Variants in SHROOM3 observed in about 807,000 individuals in gnomAD.
SHROOM3 encodes the protein protein Shroom3.
Under a neutral mutation model 138.6 loss-of-function variants are expected in SHROOM3, and 47 were observed. The ratio of observed to expected loss-of-function variants is 0.34; its 90% CI spans 0.27 to 0.43. The LOEUF (loss-of-function observed/expected upper bound fraction) is 0.43. Among genes scored for constraint, SHROOM3 ranks in the 20% least tolerant of loss-of-function variants. The probability of loss-of-function intolerance (pLI) is 1.00; values close to 1 mark genes in which losing one functional copy is unlikely to be tolerated. For missense variants in SHROOM3, 2,491 were observed against 2,596.5 expected, an observed-to-expected ratio of 0.96 and a Z score of 0.88; for synonymous variants, 1,062 against 1,063.3, an observed-to-expected ratio of 1.00 and a Z score of 0.02.
Position 76,755,261 on chromosome 4 carries a change from C to T in SHROOM3, c.4709+69C>T, listed in dbSNP as rs1721769056. ...TGTCATGCCCCAGGTGGCCCAGGTC[C>T]TTCTGCTGGCCACAGAAGAACCCTG... On this transcript the variant is annotated intron_variant, in intron 7 of 10. Coordinates refer to ENST00000296043, the MANE Select transcript of SHROOM3 (RefSeq NM_020859.4). 1.7e-5 allele frequency: 26 copies of T among 1,547,072 alleles called. 1 individual carries two copies. The South Asian group carries it at 2.6e-4, about 15-fold the overall frequency.
chr4:76,674,554 CTTTTT>C (rs11312421), intron 2 of SHROOM3, among the ~76,000 whole-genome samples: 3 of 103,292 alleles, frequency 2.9e-5, no homozygotes, highest in Admixed American at 2.3e-4. Flanking sequence ...TCCTTCCTTC[CTTTTT>C]TTTTTTTTTT....
chr4:76,512,959 T>G (rs965069124), intron 1 of SHROOM3, among the ~76,000 whole-genome samples: 11 of 152,140 alleles, frequency 7.2e-5, no homozygotes, highest in African/African-American at 2.7e-4. Flanking sequence ...AACTGTGGAG[T>G]GCACCCACAT....
At chr4:76,438,746 A>G (rs1366881446) in intron 1 of SHROOM3, among the ~76,000 whole-genome samples, 2 of 145,366 alleles carry the variant, frequency 1.4e-5, no homozygotes, top group African/African-American at 2.5e-5. Context: ...GGCAGGGACT[A>G]TTTTTTTTTT....
intron 4 of SHROOM3, among the ~76,000 whole-genome samples, chr4:76,735,868 A>AAAATATATATATATAT (rs1553944040): frequency 1.1e-4 from 2 of 18,814 alleles, no homozygotes; most frequent in African/African-American, 2.1e-4. Context: ...AAAAAAAAAA[A>AAAATATATATATATAT]ATATATATAT....
intron 2 of SHROOM3, among the ~76,000 whole-genome samples, chr4:76,706,880 C>T (rs1296077336): frequency 1.3e-5 from 2 of 152,182 alleles, no homozygotes; most frequent in Non-Finnish European, 1.5e-5. Flanking sequence ...CAAGGGGCCA[C>T]CTCACCCCGA....
At chr4:76,731,552 G>T (rs1457683294) in intron 4 of SHROOM3, among the ~76,000 whole-genome samples, 1 of 152,098 alleles carries the variant, frequency 6.6e-6, no homozygotes, top group African/African-American at 2.4e-5. Context: ...AGGCCAAGGA[G>T]GGCGGATCAC....
At chr4:76,583,689 C>T (rs563509947) in intron 2 of SHROOM3, among the ~76,000 whole-genome samples, 7 of 152,218 alleles carry the variant, frequency 4.6e-5, no homozygotes, top group Non-Finnish European at 1.0e-4. Flanking sequence ...AGTTACTTCT[C>T]GAAGCCTCAG....
chr4:76,605,704 A>T (rs1479578283), intron 2 of SHROOM3, among the ~76,000 whole-genome samples: 1 of 152,048 alleles, frequency 6.6e-6, no homozygotes, highest in East Asian at 1.9e-4. Context: ...TTTCAGTGGC[A>T]TAAATCCCAG....
At chr4:76,693,335 A>G (rs1336504546) in intron 2 of SHROOM3, among the ~76,000 whole-genome samples, 3 of 139,004 alleles carry the variant, frequency 2.2e-5, no homozygotes, top group Non-Finnish European at 4.6e-5. Flanking sequence ...TATCCTTATC[A>G]TTATTACTAT....
intron 2 of SHROOM3, among the ~76,000 whole-genome samples, chr4:76,662,912 A>T (rs1048525726): frequency 1.3e-5 from 2 of 150,560 alleles, no homozygotes; most frequent in African/African-American, 4.9e-5. Flanking sequence ...GTAGAGGGAG[A>T]GGGAGAGGAA....
At chr4:76,452,718 G>C (rs1044416298) in intron 1 of SHROOM3, among the ~76,000 whole-genome samples, 5 of 152,094 alleles carry the variant, frequency 3.3e-5, no homozygotes, top group African/African-American at 1.2e-4. Context: ...TCTTTGTATA[G>C]ATATGTTTTT....
chr4:76,462,777 G>C (rs114440327), intron 1 of SHROOM3, among the ~76,000 whole-genome samples: 1,651 of 142,286 alleles, frequency 0.012, 24 homozygotes, highest in African/African-American at 0.041. Flanking sequence ...TCCCTCTCCT[G>C]CTCTGCCATG....
At chr4:76,491,882 G>GA (rs1731857948) in intron 1 of SHROOM3, among the ~76,000 whole-genome samples, 1 of 152,108 alleles carries the variant, frequency 6.6e-6, no homozygotes, top group African/African-American at 2.4e-5. Flanking sequence ...ATTAATTTTG[G>GA]AAAAACACCA....
intron 1 of SHROOM3, among the ~76,000 whole-genome samples, chr4:76,527,260 T>C (rs1352016103): frequency 6.6e-6 from 1 of 152,206 alleles, no homozygotes; most frequent in African/African-American, 2.4e-5. Flanking sequence ...ATTTATTTAT[T>C]GGTTCTTCCT....
chr4:76,598,642 G>A (rs573916020), intron 2 of SHROOM3, among the ~76,000 whole-genome samples: 49 of 152,258 alleles, frequency 3.2e-4, no homozygotes, highest in African/African-American at 9.9e-4. Context: ...CCCGTGCTTC[G>A]CCCCCTGGTG....
chr4:76,469,114 A>G (rs1167480483), intron 1 of SHROOM3, among the ~76,000 whole-genome samples: 2 of 152,060 alleles, frequency 1.3e-5, no homozygotes, highest in Non-Finnish European at 2.9e-5. Flanking sequence ...AGGCAGGAGA[A>G]TTACTTGAAC....
rs188466181 is a variant in SHROOM3, at chr4:76,542,495, C to T, written c.169-13114C>T. On this transcript the variant is annotated intron_variant, in intron 1 of 10. Transcript: ENST00000296043. ...TATCTTATTGGGCCAAATATAATCACAAAGATCCTCATAAATGAAAGAAGC... is the reference window on the plus strand; with the variant it reads ...TATCTTATTGGGCCAAATATAATCATAAAGATCCTCATAAATGAAAGAAGC... Among the ~76,000 whole-genome samples, 663 of 152,246 alleles carry T rather than the reference C, an allele frequency of 4.4e-3. 3 individuals are homozygous for T. The highest frequency in any genetic ancestry group is 7.9e-3 in the Non-Finnish European group (538 of 68,036).
Position 76,577,998 on chromosome 4 carries a change from C to T in SHROOM3, c.323+22235C>T, listed in dbSNP as rs561844767. ...TTTTTAAGTACCTAGGTAATGTCAT[C>T]TTTTAATAACCCACACCTCCACCAA... On this transcript the variant is annotated intron_variant, in intron 2 of 10. Coordinates refer to ENST00000296043, the MANE Select transcript of SHROOM3 (RefSeq NM_020859.4). Among the ~76,000 whole-genome samples, 401 of 152,136 alleles carry T rather than the reference C, an allele frequency of 2.6e-3. 1 individual carries two copies. Among genetic ancestry groups the T allele is most frequent in the Middle Eastern group, 6.8e-3 (2 of 292 alleles).
intron 2 of SHROOM3, among the ~76,000 whole-genome samples, chr4:76,639,933 T>G (rs1214171313): frequency 1.3e-5 from 2 of 152,196 alleles, no homozygotes; most frequent in African/African-American, 4.8e-5. Context: ...CACTTTTATG[T>G]TAGAAAGTTA....
Sources: gnomAD v4.1 joint callset for allele counts (sites outside exome capture counted in the v4.1 genomes callset) on GRCh38, gnomAD v4.1.1 for gene constraint, MANE v1.5 for transcripts, NCBI Gene and HGNC (gene_info 2026-07-23, HGNC 2026-07-21) for gene names.